The following BRI3BP variants were observed in gnomAD, a reference collection of about 807,000 sequenced individuals.
BRI3BP encodes the protein BRI3 binding protein.
Under a neutral mutation model 15.8 loss-of-function variants are expected in BRI3BP, and 7 were observed. That is an observed-to-expected ratio of 0.44 (90% CI 0.25 to 0.83). The LOEUF (loss-of-function observed/expected upper bound fraction) is 0.83, where lower values mean the gene tolerates loss of function less well. Ranked by LOEUF, BRI3BP falls within the 40% of genes least tolerant of loss-of-function variation. The pLI is 0.20. For missense variants in BRI3BP, 320 were observed against 339.3 expected, an observed-to-expected ratio of 0.94 and a Z score of 0.45; for synonymous variants, 192 against 163.5, an observed-to-expected ratio of 1.17 and a Z score of -1.33.
chr12:125,024,144 A>G (rs996555159), intron 2 of BRI3BP, among the ~76,000 whole-genome samples: 1 of 152,222 alleles, frequency 6.6e-6, no homozygotes, highest in African/African-American at 2.4e-5. Context: ...CAGGAAACTT[A>G]TAATCATGGC....
the BRI3BP span, among the ~76,000 whole-genome samples, chr12:125,041,234 T>G: frequency 1.3e-5 from 2 of 151,412 alleles, no homozygotes; most frequent in Non-Finnish European, 2.9e-5. Context: ...GTGTGTGTAT[T>G]TTTAGTAGAG....
intron 1 of BRI3BP, among the ~76,000 whole-genome samples, chr12:125,008,956 A>G (rs1346327179): frequency 6.6e-6 from 1 of 151,262 alleles, no homozygotes; most frequent in Non-Finnish European, 1.5e-5. Flanking sequence ...GCAGTTCACA[A>G]TAGGGTTCAC....
In BRI3BP at chr12:125,028,939, C is replaced by T. The variant is rs535018581; in HGVS notation, c.*3509C>T. The T allele has an allele frequency of 1.2e-4, 18 of 152,236 alleles. No individual in the cohort carries two copies. Among genetic ancestry groups the T allele is most frequent in the East Asian group, 3.9e-4 (2 of 5,184 alleles). 9.4% of individuals were successfully genotyped at this position (152,236 alleles called of 1,614,324 possible). On this transcript the variant is annotated 3_prime_UTR_variant, in exon 3 of 3. Coordinates refer to ENST00000341446, the MANE Select transcript of BRI3BP (RefSeq NM_080626.6). ...TCTTCAGGGCTGTAGAATATATTAG[C>T]GTAACACTTCACTGAATGTGACGTA...
chr12:125,007,551 GA>G (rs934813572), intron 1 of BRI3BP, among the ~76,000 whole-genome samples: 3 of 149,998 alleles, frequency 2.0e-5, no homozygotes, highest in South Asian at 2.1e-4. Context: ...TCTGTCTCAG[GA>G]AAAAAAAATG....
chr12:125,023,760 A>G (rs1016295711), intron 2 of BRI3BP, among the ~76,000 whole-genome samples: 4 of 152,052 alleles, frequency 2.6e-5, no homozygotes, highest in Admixed American at 2.0e-4. Flanking sequence ...GTATTAGTCT[A>G]TTTTCACACT....
At chr12:125,039,793 T>C in the BRI3BP span, among the ~76,000 whole-genome samples, 7 of 152,202 alleles carry the variant, frequency 4.6e-5, no homozygotes, top group African/African-American at 1.7e-4. Flanking sequence ...TTACATAAAA[T>C]ACTATTAATA....
At chr12:125,010,201 G>A (rs964897234) in intron 1 of BRI3BP, among the ~76,000 whole-genome samples, 1 of 152,108 alleles carries the variant, frequency 6.6e-6, no homozygotes, top group African/African-American at 2.4e-5. Flanking sequence ...CCCATGTAAA[G>A]CTCGCAATAA....
rs546204894 is a variant in BRI3BP, at chr12:125,022,630, G to A, written c.317-2361G>A. ...AACCTCTGCCTCCCTGGGTTCAAGC[G>A]ATTCTCGTGCCTCAGCCTCCCAGGT... On this transcript the variant is annotated intron_variant, in intron 2 of 2. Coordinates refer to ENST00000341446, the MANE Select transcript of BRI3BP (RefSeq NM_080626.6). 4.4e-4 allele frequency among the ~76,000 whole-genome samples: 66 copies of A among 151,500 alleles called. 2 individuals are homozygous for A. The highest frequency in any genetic ancestry group is 1.5e-3 in the African/African-American group (62 of 41,188).
chr12:125,025,729 C>A lies in BRI3BP; in HGVS notation c.*299C>A. 8 of 256,982 alleles carry A rather than the reference C, an allele frequency of 3.1e-5. No homozygotes were observed. Among genetic ancestry groups the A allele is most frequent in the East Asian group, 7.2e-5 (1 of 13,888 alleles). The allele number at this position is 256,982 out of a possible 1,614,324, so 15.9% of individuals were successfully genotyped here. On this transcript the variant is annotated 3_prime_UTR_variant, in exon 3 of 3. Transcript: ENST00000341446. ...AAGAGAAATTTATCTGTGCATAGAG[C>A]ATAAAGTTAATTTTTTCAAGCATTT...
chr12:124,996,599 T>TA (rs1955042747), intron 1 of BRI3BP, among the ~76,000 whole-genome samples: 1 of 152,140 alleles, frequency 6.6e-6, no homozygotes, highest in African/African-American at 2.4e-5. Flanking sequence ...GTGCTGGGAT[T>TA]ACAGGCGTAA....
chr12:125,044,711 A>T, the BRI3BP span, among the ~76,000 whole-genome samples: 1 of 152,122 alleles, frequency 6.6e-6, no homozygotes, highest in Non-Finnish European at 1.5e-5. Context: ...TGGGCTCCCA[A>T]AGTGGTGGGA....
At chr12:124,995,878 G>A (rs999700340) in intron 1 of BRI3BP, among the ~76,000 whole-genome samples, 5 of 152,082 alleles carry the variant, frequency 3.3e-5, no homozygotes, top group African/African-American at 7.2e-5. Flanking sequence ...CCTGTTCCCC[G>A]AGTCAGTACA....
chr12:125,001,346 G>A (rs868084522), intron 1 of BRI3BP, among the ~76,000 whole-genome samples: 47 of 143,742 alleles, frequency 3.3e-4, no homozygotes, highest in African/African-American at 1.0e-3. Context: ...ATGAGCCACC[G>A]CACCCGGCCC....
chr12:124,995,454 A>G (rs1436748979), intron 1 of BRI3BP, among the ~76,000 whole-genome samples: 1 of 152,234 alleles, frequency 6.6e-6, no homozygotes, highest in Non-Finnish European at 1.5e-5. Flanking sequence ...CAGGATCCCC[A>G]TGTCTCAACT....
chr12:125,020,336 G>T (rs1229044896), intron 2 of BRI3BP, among the ~76,000 whole-genome samples: 2 of 152,194 alleles, frequency 1.3e-5, no homozygotes, highest in African/African-American at 2.4e-5. Context: ...GCCCTTTCTT[G>T]TAGACGATGC....
intron 2 of BRI3BP, among the ~76,000 whole-genome samples, chr12:125,013,642 C>T (rs1008908683): frequency 6.6e-6 from 1 of 152,222 alleles, no homozygotes; most frequent in African/African-American, 2.4e-5. Flanking sequence ...TCCAGGAAGG[C>T]AGCCTGGGAG....
chr12:125,005,606 C>T (rs1955135305), intron 1 of BRI3BP, among the ~76,000 whole-genome samples: 1 of 152,062 alleles, frequency 6.6e-6, no homozygotes, highest in African/African-American at 2.4e-5. Context: ...CCCATCTCTA[C>T]TAAAAATACA....
At chr12:125,037,597 GC>G in the BRI3BP span, among the ~76,000 whole-genome samples, 43 of 150,280 alleles carry the variant, frequency 2.9e-4, no homozygotes, top group African/African-American at 1.0e-3. Context: ...AGATCACGAG[GC>G]CAGGAGTTTG....
the BRI3BP span, among the ~76,000 whole-genome samples, chr12:125,046,186 A>T: frequency 2.0e-5 from 3 of 151,830 alleles, no homozygotes; most frequent in Non-Finnish European, 4.4e-5. Context: ...CCACAAAAAA[A>T]CTGATTTTAG....
Sources: gnomAD v4.1 joint callset for allele counts (sites outside exome capture counted in the v4.1 genomes callset) on GRCh38, gnomAD v4.1.1 for gene constraint, MANE v1.5 for transcripts, NCBI Gene and HGNC (gene_info 2026-07-23, HGNC 2026-07-21) for gene names.